CSMD2: variants seen among roughly 807,000 people sequenced by gnomAD.
CSMD2 encodes CUB and Sushi multiple domains 2, also known as CUB and sushi domain-containing protein 2.
Under a neutral mutation model 398.5 loss-of-function variants are expected in CSMD2, and 130 were observed. The observed-to-expected ratio is 0.33, with a 90% CI of 0.28 to 0.38. CSMD2 has a LOEUF of 0.38. Among genes scored for constraint, CSMD2 ranks in the 10% least tolerant of loss-of-function variants. The probability of loss-of-function intolerance (pLI) is 1.00; values close to 1 mark genes in which losing one functional copy is unlikely to be tolerated. For synonymous variants in CSMD2, 1,828 were observed against 1,908.5 expected, an observed-to-expected ratio of 0.96 and a Z score of 1.10; for missense variants, 3,829 against 4,764.9, an observed-to-expected ratio of 0.80 and a Z score of 5.78.
chr1:33,688,589 C>T lies in CSMD2; in HGVS notation c.4052+4341G>A, dbSNP rs555453845. The stretch of plus-strand genomic sequence containing the variant: ...CCTGTAATCCCAGCACTTTGGGAGG[C>T]TGAGGCAGGAGAATCACTTGAGGCC... On this transcript the variant is annotated intron_variant, in intron 25 of 70. Coordinates refer to ENST00000373381, the MANE Select transcript of CSMD2 (RefSeq NM_001281956.2). 3.3e-4 allele frequency among the ~76,000 whole-genome samples: 50 copies of T among 152,306 alleles called. 1 individual carries two copies. The highest frequency in any genetic ancestry group is 8.8e-5 in the Non-Finnish European group (6 of 68,024).
At chr1:33,647,279 A>G (rs1166509460) in intron 28 of CSMD2, among the ~76,000 whole-genome samples, 1 of 152,084 alleles carries the variant, frequency 6.6e-6, no homozygotes, top group Non-Finnish European at 1.5e-5. Context: ...GGAGGAAGGG[A>G]CCTGTTACCA....
At chr1:33,769,364 C>T (rs543063886) in intron 13 of CSMD2, among the ~76,000 whole-genome samples, 1 of 152,264 alleles carries the variant, frequency 6.6e-6, no homozygotes, top group South Asian at 2.1e-4. Flanking sequence ...GACAGGCAGT[C>T]AATAGCTTGA....
At chr1:34,005,541 G>A (rs964729803) in intron 3 of CSMD2, among the ~76,000 whole-genome samples, 2 of 152,210 alleles carry the variant, frequency 1.3e-5, no homozygotes, top group African/African-American at 4.8e-5. Flanking sequence ...ATTAGAAGGT[G>A]GAGTCCAAAT....
chr1:33,713,531 T>C (rs763578595), intron 21 of CSMD2, among the ~76,000 whole-genome samples: 15 of 152,162 alleles, frequency 9.9e-5, no homozygotes, highest in Non-Finnish European at 1.8e-4. Flanking sequence ...CCTCATACAT[T>C]AGGGACAGAC....
intron 2 of CSMD2, among the ~76,000 whole-genome samples, chr1:34,047,532 C>G (rs1478403099): frequency 6.6e-6 from 1 of 152,102 alleles, no homozygotes; most frequent in South Asian, 2.1e-4. Flanking sequence ...TTACGTCTAC[C>G]TTTTCCCACC....
At chr1:33,961,776 A>T (rs1451970401) in intron 3 of CSMD2, among the ~76,000 whole-genome samples, 1 of 152,070 alleles carries the variant, frequency 6.6e-6, no homozygotes, top group African/African-American at 2.4e-5. Flanking sequence ...GCCATGGGAC[A>T]CGCTGGCTTC....
intron 2 of CSMD2, among the ~76,000 whole-genome samples, chr1:34,083,051 C>A (rs1376910078): frequency 6.7e-6 from 1 of 150,002 alleles, no homozygotes; most frequent in Non-Finnish European, 1.5e-5. Flanking sequence ...CGAGAAACAC[C>A]CAAGAATGAT....
In CSMD2 at chr1:33,672,156, C is replaced by T. The variant is rs139182204; in HGVS notation, c.4053-9064G>A. 4.2e-3 allele frequency among the ~76,000 whole-genome samples: 643 copies of T among 152,246 alleles called. 4 individuals are homozygous for T. Among genetic ancestry groups the T allele is most frequent in the African/African-American group, 0.014 (569 of 41,554 alleles). On this transcript the variant is annotated intron_variant, in intron 25 of 70. Transcript: ENST00000373381. ...TGGGTGCAGTGCACCGTGTGTGAGC[C>T]GAAGCAGGGCGAGGCATCGCCTCAC... is the stretch of plus-strand genomic sequence containing the variant.
At chr1:33,864,305 T>C in intron 5 of CSMD2, 1 of 1,613,878 alleles carries the variant, frequency 6.2e-7, no homozygotes, top group South Asian at 1.1e-5. Flanking sequence ...ATGTTGGCTT[T>C]AAAGAGTTCT....
chr1:33,746,489 G>A (rs1338692856), intron 13 of CSMD2, among the ~76,000 whole-genome samples: 9 of 152,138 alleles, frequency 5.9e-5, no homozygotes, highest in Admixed American at 5.9e-4. Flanking sequence ...CACTCTATCA[G>A]TGTATTATTT....
At chr1:34,018,329 A>C (rs1345673916) in intron 3 of CSMD2, among the ~76,000 whole-genome samples, 1 of 152,212 alleles carries the variant, frequency 6.6e-6, no homozygotes, top group Non-Finnish European at 1.5e-5. Context: ...ATTTTTCATC[A>C]TTATAAATAA....
intron 41 of CSMD2, among the ~76,000 whole-genome samples, chr1:33,607,771 T>C (rs538262065): frequency 1.2e-4 from 18 of 152,310 alleles, no homozygotes; most frequent in African/African-American, 4.3e-4. Context: ...GGAGTGGCTG[T>C]GCCTGGGACT....
At chr1:33,940,195 G>A (rs183308901) in intron 3 of CSMD2, among the ~76,000 whole-genome samples, 38 of 151,990 alleles carry the variant, frequency 2.5e-4, no homozygotes, top group African/African-American at 8.7e-4. Context: ...GTCTTCACAC[G>A]GTGTTCTCTT....
chr1:33,584,622 G>A (rs1484873327), intron 46 of CSMD2, among the ~76,000 whole-genome samples: 2 of 149,476 alleles, frequency 1.3e-5, no homozygotes, highest in Non-Finnish European at 3.0e-5. Context: ...AGCTGAGATT[G>A]CACCACTGCC....
At chr1:33,714,525 C>T in intron 21 of CSMD2, 62 bp downstream of exon 21, 1 of 1,558,722 alleles carries the variant, frequency 6.4e-7, no homozygotes, top group Non-Finnish European at 8.8e-7. Context: ...CACCTCACAT[C>T]AATTGACTAT....
chr1:33,691,168 C>T (rs574056377), intron 25 of CSMD2, among the ~76,000 whole-genome samples: 29 of 152,178 alleles, frequency 1.9e-4, no homozygotes, highest in Non-Finnish European at 3.8e-4. Context: ...TTTGCTTTGC[C>T]GGAATGTCAT....
chr1:34,026,730 T>C (rs1269224261), intron 3 of CSMD2, among the ~76,000 whole-genome samples: 2 of 152,130 alleles, frequency 1.3e-5, no homozygotes, highest in South Asian at 2.1e-4. Flanking sequence ...TTGGGAGTTG[T>C]GTGTGGGGAA....
chr1:33,813,562 G>A (rs1657099698), intron 9 of CSMD2, among the ~76,000 whole-genome samples: 1 of 152,112 alleles, frequency 6.6e-6, no homozygotes, highest in African/African-American at 2.4e-5. Flanking sequence ...AGACTTCCCT[G>A]AGATCTTCCA....
chr1:33,826,311 A>T (rs2358510), intron 6 of CSMD2, among the ~76,000 whole-genome samples: 3 of 151,892 alleles, frequency 2.0e-5, no homozygotes, highest in Non-Finnish European at 2.9e-5. Flanking sequence ...ACATTCCCCC[A>T]CTCCTTGACT....
Sources: gnomAD v4.1 joint callset for allele counts (sites outside exome capture counted in the v4.1 genomes callset) on GRCh38, gnomAD v4.1.1 for gene constraint, MANE v1.5 for transcripts, NCBI Gene and HGNC (gene_info 2026-07-23, HGNC 2026-07-21) for gene names.